Variants in NRG3 observed in about 807,000 individuals in gnomAD.
The protein encoded by NRG3 is neuregulin 3.
NRG3 carries 31 observed loss-of-function variants against 66.9 expected under a neutral mutation model. The ratio of observed to expected loss-of-function variants is 0.46; its 90% confidence interval spans 0.35 to 0.63. The LOEUF is 0.63. Among genes scored for constraint, NRG3 ranks in the 20% least tolerant of loss-of-function variants. The pLI is 0.00. For synonymous variants in NRG3, 393 were observed against 359.4 expected (o/e 1.09, Z -1.06); for missense variants, 910 against 878.9 (o/e 1.04, Z -0.45).
At chr10:82,774,137 A>C (rs904612906) in intron 3 of NRG3, among the ~76,000 whole-genome samples, 1 of 152,144 alleles carries the variant, frequency 6.6e-6, no homozygotes, top group Non-Finnish European at 1.5e-5. Flanking sequence ...ATTAATGTTC[A>C]TTAGACATAA....
rs561640387 is a variant in NRG3, at chr10:82,780,379, T to C, written c.1027+41729T>C. On this transcript the variant is annotated intron_variant, in intron 3 of 8. Transcript: ENST00000372141. ...CTATTTCTCCACATCCTCTCCAGCA[T>C]CTGTTGAGGATATTTGTATTTGCTT... 2.8e-3 allele frequency among the ~76,000 whole-genome samples: 429 copies of C among 152,170 alleles called. 2 individuals carry two copies. Among genetic ancestry groups the C allele is most frequent in the African/African-American group, 9.6e-3 (400 of 41,544 alleles).
intron 1 of NRG3, among the ~76,000 whole-genome samples, chr10:82,084,828 C>G (rs2065625434): frequency 6.6e-6 from 1 of 152,102 alleles, no homozygotes; most frequent in Non-Finnish European, 1.5e-5. Flanking sequence ...AGTGCCTCCA[C>G]TCACATAGAT....
chr10:82,301,049 T>A (rs1347618733), intron 1 of NRG3, among the ~76,000 whole-genome samples: 4 of 152,200 alleles, frequency 2.6e-5, no homozygotes, highest in African/African-American at 7.2e-5. Flanking sequence ...GGAGATTAAA[T>A]GTGCATTAAA....
chr10:82,084,844 G>A (rs1258785444), intron 1 of NRG3, among the ~76,000 whole-genome samples: 1 of 152,018 alleles, frequency 6.6e-6, no homozygotes, highest in East Asian at 1.9e-4. Flanking sequence ...TAGATGAGTG[G>A]GGTCCCTGCC....
intron 2 of NRG3, among the ~76,000 whole-genome samples, chr10:82,537,358 T>C (rs2043233037): frequency 1.3e-5 from 2 of 152,292 alleles, no homozygotes; most frequent in African/African-American, 4.8e-5. Context: ...AATTAGCAAG[T>C]ATGATCAAGT....
In NRG3 at chr10:82,864,187, C is replaced by T. The variant is rs114833515; in HGVS notation, c.1028-1224C>T. On this transcript the variant is annotated intron_variant, in intron 3 of 8. Coordinates refer to ENST00000372141, the MANE Select transcript of NRG3 (RefSeq NM_001010848.4). ...GAAAAAAGGGGTGGTGGTTGTACAA[C>T]GTTGTGAATGTATCAAGTTAACAAA... 5.5e-3 allele frequency among the ~76,000 whole-genome samples: 844 copies of T among 152,104 alleles called. 7 individuals carry two copies. Among genetic ancestry groups the T allele is most frequent in the African/African-American group, 0.019 (783 of 41,506 alleles).
At chr10:82,406,094 T>C (rs2087497261) in intron 2 of NRG3, among the ~76,000 whole-genome samples, 4 of 152,120 alleles carry the variant, frequency 2.6e-5, no homozygotes, top group South Asian at 2.1e-4. Flanking sequence ...GTTAAAGTGA[T>C]TGATAAGCAG....
At position 82,986,958 on chromosome 10, in the gene NRG3, A is replaced by C. The variant is rs1404889808; in HGVS notation, c.*1353A>C. 1 of 152,218 alleles carries C rather than the reference A, an allele frequency of 6.6e-6. No homozygotes were observed. The highest frequency in any genetic ancestry group is 1.5e-5 in the Non-Finnish European group (1 of 68,036). 9.4% of individuals were successfully genotyped at this position (152,218 alleles called of 1,614,324 possible). On this transcript the variant is annotated 3_prime_UTR_variant, in exon 9 of 9. Coordinates refer to ENST00000372141, the MANE Select transcript of NRG3 (RefSeq NM_001010848.4). ...TTCACAAGAAGCCCCCCAAAAGAACAGTAAATTGTGTTGTATGTTCATTTG... is the reference window on the plus strand; with the variant it reads ...TTCACAAGAAGCCCCCCAAAAGAACCGTAAATTGTGTTGTATGTTCATTTG...
intron 3 of NRG3, among the ~76,000 whole-genome samples, chr10:82,826,399 C>T (rs967383871): frequency 1.2e-4 from 18 of 152,120 alleles, no homozygotes; most frequent in East Asian, 9.6e-4. Context: ...TTAAAAGATG[C>T]GTAAGTTTCT....
chr10:82,461,133 C>A (rs2091491448), intron 2 of NRG3, among the ~76,000 whole-genome samples: 1 of 151,958 alleles, frequency 6.6e-6, no homozygotes, highest in Admixed American at 6.6e-5. Flanking sequence ...ACCATGAACA[C>A]CCTCACAAAT....
At chr10:81,996,919 G>A (rs1034406062) in intron 1 of NRG3, among the ~76,000 whole-genome samples, 6 of 151,962 alleles carry the variant, frequency 3.9e-5, no homozygotes, top group South Asian at 4.1e-4. Flanking sequence ...TCACATAAAT[G>A]TCTCATAGGC....
At chr10:82,656,639 G>T (rs901540769) in intron 2 of NRG3, among the ~76,000 whole-genome samples, 1 of 151,784 alleles carries the variant, frequency 6.6e-6, no homozygotes, top group African/African-American at 2.4e-5. Context: ...ATTTGCCCAG[G>T]TCTAAGCCTC....
intron 2 of NRG3, among the ~76,000 whole-genome samples, chr10:82,521,830 T>C (rs1846217944): frequency 1.3e-5 from 2 of 152,150 alleles, no homozygotes; most frequent in Non-Finnish European, 2.9e-5. Flanking sequence ...TGGAATATCC[T>C]AAATTCTTTG....
chr10:82,096,540 C>A (rs899515250), intron 1 of NRG3, among the ~76,000 whole-genome samples: 2 of 151,658 alleles, frequency 1.3e-5, no homozygotes. Context: ...TAAACTGGAG[C>A]CCCGTCACTC....
chr10:82,440,162 A>G (rs1436475205), intron 2 of NRG3, among the ~76,000 whole-genome samples: 1 of 151,780 alleles, frequency 6.6e-6, no homozygotes, highest in East Asian at 1.9e-4. Context: ...TTGGTATTTA[A>G]TTTGAGAACA....
intron 1 of NRG3, among the ~76,000 whole-genome samples, chr10:82,327,930 G>A (rs924815970): frequency 3.9e-5 from 6 of 151,962 alleles, no homozygotes; most frequent in East Asian, 1.9e-4. Flanking sequence ...ATACCCTCCC[G>A]TGTCTCTTCC....
chr10:81,977,323 A>G (rs576145553), intron 1 of NRG3, among the ~76,000 whole-genome samples: 2 of 152,134 alleles, frequency 1.3e-5, no homozygotes, highest in East Asian at 1.9e-4. Flanking sequence ...TGATAATCTT[A>G]TTGTTCTTTC....
In NRG3 at chr10:82,089,555, A is replaced by G. The variant is rs377318079; in HGVS notation, c.823+213392A>G. Among the ~76,000 whole-genome samples the G allele has an allele frequency of 6.2e-4, 94 of 152,332 alleles. 1 individual carries two copies. Among genetic ancestry groups the G allele is most frequent in the African/African-American group, 2.1e-3 (86 of 41,580 alleles). On this transcript the variant is annotated intron_variant, in intron 1 of 8. Transcript: ENST00000372141. ...CCAGCTCTTAGACAATGAGATAGCT[A>G]GGAGCAAACCTCTGTTCATTCTTGC...
rs181780734 is a variant in NRG3, at chr10:82,921,575, G to C, written c.1055-29894G>C. On this transcript the variant is annotated intron_variant, in intron 4 of 8. Transcript: ENST00000372141. Reference sequence around the variant, plus strand: ...TCTCTACTATCTTCACAATAATTCTGTGAGCCTAAAACTATTCTAAAATAA... The same window carrying C: ...TCTCTACTATCTTCACAATAATTCTCTGAGCCTAAAACTATTCTAAAATAA... 2.2e-3 allele frequency among the ~76,000 whole-genome samples: 328 copies of C among 152,250 alleles called. 1 individual carries two copies. The highest frequency in any genetic ancestry group is 7.4e-3 in the African/African-American group (307 of 41,552).
Sources: gnomAD v4.1 joint callset for allele counts (sites outside exome capture counted in the v4.1 genomes callset) on GRCh38, gnomAD v4.1.1 for gene constraint, MANE v1.5 for transcripts, NCBI Gene and HGNC (gene_info 2026-07-23, HGNC 2026-07-21) for gene names.